SNTG1: variants seen among roughly 807,000 people sequenced by gnomAD.
SNTG1 encodes the protein gamma-1-syntrophin.
A neutral mutation model predicts 74.7 loss-of-function variants in SNTG1; 39 were observed. That is an observed-to-expected ratio of 0.52 (90% CI 0.40 to 0.68). The LOEUF (loss-of-function observed/expected upper bound fraction) is 0.68. Ranked by LOEUF, SNTG1 falls within the 30% of genes least tolerant of loss-of-function variation. The pLI is 0.00. For missense variants in SNTG1, 685 were observed against 609.5 expected (o/e 1.12, Z -1.30); for synonymous variants, 254 against 217.1 (o/e 1.17, Z -1.49).
At chr8:50,623,892 T>C (rs1162191090) in intron 13 of SNTG1, among the ~76,000 whole-genome samples, 1 of 152,032 alleles carries the variant, frequency 6.6e-6, no homozygotes, top group Non-Finnish European at 1.5e-5. Flanking sequence ...TTTTTTAAAC[T>C]CTTAAAATTA....
intron 1 of SNTG1, among the ~76,000 whole-genome samples, chr8:50,047,760 A>G (rs1819221201): frequency 6.6e-6 from 1 of 152,188 alleles, no homozygotes; most frequent in Non-Finnish European, 1.5e-5. Context: ...TGTCATAACA[A>G]CCTGGGGGTG....
intron 2 of SNTG1, among the ~76,000 whole-genome samples, chr8:50,191,981 C>T (rs946237893): frequency 1.3e-5 from 2 of 152,012 alleles, no homozygotes; most frequent in African/African-American, 2.4e-5. Context: ...TTTTGCACAG[C>T]AAAAGAGGAT....
At chr8:50,736,475 G>A (rs1035805305) in intron 17 of SNTG1, among the ~76,000 whole-genome samples, 2 of 151,884 alleles carry the variant, frequency 1.3e-5, no homozygotes, top group Admixed American at 1.3e-4. Flanking sequence ...CACAGTAAGA[G>A]TGGAATATTT....
intron 2 of SNTG1, among the ~76,000 whole-genome samples, chr8:50,208,511 T>G (rs1286198214): frequency 6.6e-6 from 1 of 152,186 alleles, no homozygotes; most frequent in Non-Finnish European, 1.5e-5. Context: ...TGACTGTTTA[T>G]CCAATTTACC....
chr8:50,492,743 C>A (rs1017061668), intron 8 of SNTG1, among the ~76,000 whole-genome samples: 1 of 152,088 alleles, frequency 6.6e-6, no homozygotes, highest in Non-Finnish European at 1.5e-5. Context: ...TTTAATGAGA[C>A]GTATTTGTCA....
At chr8:50,145,615 G>A (rs1009413681) in intron 1 of SNTG1, among the ~76,000 whole-genome samples, 4 of 152,102 alleles carry the variant, frequency 2.6e-5, no homozygotes, top group Non-Finnish European at 5.9e-5. Flanking sequence ...TTGGGGCGGT[G>A]TTGAGAAACT....
intron 13 of SNTG1, among the ~76,000 whole-genome samples, chr8:50,622,839 G>A (rs939168077): frequency 1.3e-5 from 2 of 151,976 alleles, no homozygotes; most frequent in Non-Finnish European, 2.9e-5. Context: ...ATAGTTAGGA[G>A]TTTTGAAGAT....
chr8:50,273,688 A>G (rs1293927951), intron 2 of SNTG1, among the ~76,000 whole-genome samples: 1 of 152,202 alleles, frequency 6.6e-6, no homozygotes, highest in Non-Finnish European at 1.5e-5. Flanking sequence ...CAATTTAAAG[A>G]AAGAGATAAG....
At chr8:50,508,082 C>T (rs2094025676) in intron 9 of SNTG1, among the ~76,000 whole-genome samples, 1 of 151,770 alleles carries the variant, frequency 6.6e-6, no homozygotes, top group Non-Finnish European at 1.5e-5. Context: ...CCACTCCCCT[C>T]AACAGGCTAC....
intron 4 of SNTG1, among the ~76,000 whole-genome samples, chr8:50,409,379 G>T (rs1040320585): frequency 2.6e-5 from 4 of 152,118 alleles, no homozygotes; most frequent in African/African-American, 9.7e-5. Context: ...AACATTCTGT[G>T]ATTTCTTCAG....
At chr8:50,331,965 C>A (rs1278647127) in intron 2 of SNTG1, among the ~76,000 whole-genome samples, 1 of 152,044 alleles carries the variant, frequency 6.6e-6, no homozygotes, top group Non-Finnish European at 1.5e-5. Flanking sequence ...ATGCAGATGG[C>A]AAATTTTTGT....
At chr8:50,220,021 C>G (rs955782661) in intron 2 of SNTG1, among the ~76,000 whole-genome samples, 22 of 151,868 alleles carry the variant, frequency 1.4e-4, no homozygotes, top group African/African-American at 5.1e-4. Flanking sequence ...TATATAAAGT[C>G]AAAAATGAAA....
At chr8:50,240,851 G>A (rs2129654991) in intron 2 of SNTG1, among the ~76,000 whole-genome samples, 2 of 152,192 alleles carry the variant, frequency 1.3e-5, no homozygotes, top group South Asian at 4.1e-4. Flanking sequence ...TAAAATAGAG[G>A]TATTTCCCGT....
intron 15 of SNTG1, among the ~76,000 whole-genome samples, chr8:50,694,323 A>C (rs899423727): frequency 1.2e-4 from 19 of 152,250 alleles, no homozygotes; most frequent in African/African-American, 4.3e-4. Context: ...TATGCCAAAA[A>C]ATTGGATAAC....
At chr8:50,497,688 C>A (rs762675194) in intron 8 of SNTG1, among the ~76,000 whole-genome samples, 1 of 151,888 alleles carries the variant, frequency 6.6e-6, no homozygotes. Context: ...GAATACCCAC[C>A]AACACAATCA....
intron 8 of SNTG1, among the ~76,000 whole-genome samples, chr8:50,489,997 G>A (rs546475979): frequency 4.2e-4 from 64 of 152,262 alleles, no homozygotes; most frequent in African/African-American, 1.4e-3. Flanking sequence ...TGGCTAGCCA[G>A]TTTTCCCAAC....
At chr8:50,392,893 A>C (rs972003239) in intron 2 of SNTG1, among the ~76,000 whole-genome samples, 2 of 152,154 alleles carry the variant, frequency 1.3e-5, no homozygotes, top group Admixed American at 6.6e-5. Flanking sequence ...TAGATGGTTC[A>C]GTATCCTCAT....
chr8:50,183,888 A>G (rs1199809836), intron 2 of SNTG1, among the ~76,000 whole-genome samples: 2 of 152,160 alleles, frequency 1.3e-5, no homozygotes, highest in Non-Finnish European at 2.9e-5. Context: ...TAACTTTACT[A>G]CTATAGCAGC....
In SNTG1 at chr8:50,144,803, A is replaced by G. The variant is rs191231632; in HGVS notation, c.-102-27758A>G. Among the ~76,000 whole-genome samples, 12 of 152,258 alleles carry G rather than the reference A, an allele frequency of 7.9e-5. No individual in the cohort carries two copies. In the East Asian group the frequency reaches 2.1e-3, roughly 27 times the overall value. ...TAGGTACACAGAGCATTTTTTATAT[A>G]AAGGAAAGGGATCAATAGTTGTAAA... On this transcript the variant is annotated intron_variant, in intron 1 of 18. Transcript: ENST00000642720.
Sources: allele counts gnomAD v4.1 joint callset (sites outside exome capture counted in the v4.1 genomes callset), GRCh38; gene constraint gnomAD v4.1.1; transcripts MANE v1.5; gene names NCBI Gene and HGNC (gene_info 2026-07-23, HGNC 2026-07-21).